Variants in CSMD1 observed in about 807,000 individuals in gnomAD.
The protein encoded by CSMD1 is CUB and sushi domain-containing protein 1.
A neutral mutation model predicts 417.5 loss-of-function variants in CSMD1; 213 were observed. The ratio of observed to expected loss-of-function variants is 0.51; its 90% CI spans 0.46 to 0.57. CSMD1 has a LOEUF of 0.57. CSMD1 is among the 20% of genes least tolerant of loss of function. The probability of loss-of-function intolerance (pLI) is 0.00; values close to 1 mark genes in which losing one functional copy is unlikely to be tolerated. For missense variants in CSMD1, 6,923 were observed against 4,529.7 expected (o/e 1.53, Z -15.17); for synonymous variants, 2,862 against 1,736.8 (o/e 1.65, Z -16.11).
intron 5 of CSMD1, among the ~76,000 whole-genome samples, chr8:3,816,652 AG>A (rs1328159715): frequency 6.6e-6 from 1 of 152,206 alleles, no homozygotes; most frequent in African/African-American, 2.4e-5. Flanking sequence ...TCTAACATAA[AG>A]GAAAAACAAA....
At chr8:3,214,775 T>C (rs1051614914) in intron 29 of CSMD1, 84 bp from the exon 30 acceptor site, 6 of 1,106,878 alleles carry the variant, frequency 5.4e-6, no homozygotes, top group Non-Finnish European at 7.7e-6. Flanking sequence ...GGTTCTTTAA[T>C]TGTGTTATTT....
chr8:3,982,498 T>C (rs558524943), intron 5 of CSMD1, among the ~76,000 whole-genome samples: 122 of 151,872 alleles, frequency 8.0e-4, no homozygotes, highest in African/African-American at 2.7e-3. Flanking sequence ...ACCAGAAAAA[T>C]AACGCATCAT....
Position 3,142,528 on chromosome 8 carries a change from T to G in CSMD1, c.6178A>C (p.Thr2060Pro), listed in dbSNP as rs771226247. ...TGGTCACTATAAAAGTGGATGAGGG[T>G]TTCATGCGTTGTGCTCAGCAGGGCC... Reference protein sequence around the residue: ...PAALLSTTHETLIHFYSDHSQ... With the variant: ...PAALLSTTHEPLIHFYSDHSQ... The change falls in exon 41 of 70, where the codon ACC becomes CCC. Residue 2060 changes from threonine to proline, a missense_variant. Transcript: ENST00000635120. 6.2e-7 allele frequency: 1 copy of G among 1,613,920 alleles called. No homozygotes were observed. Among genetic ancestry groups the G allele is most frequent in the Non-Finnish European group, 8.5e-7 (1 of 1,179,888 alleles).
At chr8:3,066,571 T>G (rs1435831644) in intron 49 of CSMD1, among the ~76,000 whole-genome samples, 1 of 152,216 alleles carries the variant, frequency 6.6e-6, no homozygotes, top group Admixed American at 6.5e-5. Context: ...ATATTTTGTC[T>G]TAATTTCTGA....
intron 3 of CSMD1, among the ~76,000 whole-genome samples, chr8:4,242,649 A>C (rs941722623): frequency 6.6e-6 from 1 of 152,200 alleles, no homozygotes; most frequent in Non-Finnish European, 1.5e-5. Flanking sequence ...GTTTGGAAAT[A>C]GATTCCCTCC....
intron 2 of CSMD1, among the ~76,000 whole-genome samples, chr8:4,529,778 C>G (rs1796697770): frequency 6.6e-6 from 1 of 151,796 alleles, no homozygotes; most frequent in Admixed American, 6.6e-5. Flanking sequence ...AGTTTCAGAA[C>G]TGCTGCCGTA....
chr8:4,043,014 C>G (rs1446816199), intron 3 of CSMD1, among the ~76,000 whole-genome samples: 1 of 151,720 alleles, frequency 6.6e-6, no homozygotes, highest in African/African-American at 2.4e-5. Flanking sequence ...CACCTGTAGT[C>G]CCAGCTACTT....
chr8:4,610,986 T>A (rs546132848), intron 2 of CSMD1, among the ~76,000 whole-genome samples: 2 of 152,238 alleles, frequency 1.3e-5, no homozygotes, highest in Non-Finnish European at 2.9e-5. Flanking sequence ...CATCCTTTCC[T>A]TGGAAAATAG....
At chr8:4,943,256 G>T (rs1207385488) in intron 1 of CSMD1, among the ~76,000 whole-genome samples, 1 of 152,040 alleles carries the variant, frequency 6.6e-6, no homozygotes, top group African/African-American at 2.4e-5. Flanking sequence ...AGCACTTTGG[G>T]CGGCCCAGGC....
At chr8:3,476,033 C>A (rs1463895040) in intron 11 of CSMD1, among the ~76,000 whole-genome samples, 1 of 152,184 alleles carries the variant, frequency 6.6e-6, no homozygotes, top group Non-Finnish European at 1.5e-5. Context: ...TAGTTCTATT[C>A]TAATCTACGT....
chr8:3,284,078 G>C, intron 26 of CSMD1, 66 bp downstream of exon 26: 3 of 1,245,156 alleles, frequency 2.4e-6, no homozygotes, highest in Non-Finnish European at 3.5e-6. Flanking sequence ...TATAAATGGA[G>C]GGAGATCTGT....
chr8:3,353,098 T>A (rs141789582), intron 21 of CSMD1, among the ~76,000 whole-genome samples: 2 of 152,308 alleles, frequency 1.3e-5, no homozygotes, highest in African/African-American at 4.8e-5. Flanking sequence ...TAATACACAA[T>A]ATTGGTAATT....
At chr8:4,270,746 A>G (rs943378336) in intron 3 of CSMD1, among the ~76,000 whole-genome samples, 3 of 152,190 alleles carry the variant, frequency 2.0e-5, no homozygotes, top group Admixed American at 6.5e-5. Flanking sequence ...GTTTGAGGAC[A>G]GTGCTACTCA....
chr8:3,551,326 T>G (rs1006530366), intron 10 of CSMD1, among the ~76,000 whole-genome samples: 1 of 152,164 alleles, frequency 6.6e-6, no homozygotes, highest in Non-Finnish European at 1.5e-5. Context: ...TGTGAATGTT[T>G]TGAAAGCCAA....
At chr8:3,981,938 G>A (rs923247629) in intron 5 of CSMD1, among the ~76,000 whole-genome samples, 19 of 151,980 alleles carry the variant, frequency 1.3e-4, no homozygotes, top group African/African-American at 4.4e-4. Flanking sequence ...TTGGGAGGCC[G>A]AGGCAGGTGG....
At chr8:3,665,709 A>G (rs1348673953) in intron 7 of CSMD1, among the ~76,000 whole-genome samples, 2 of 152,220 alleles carry the variant, frequency 1.3e-5, no homozygotes, top group East Asian at 3.9e-4. Flanking sequence ...CCATCGCTAC[A>G]TATCTTATCT....
intron 7 of CSMD1, among the ~76,000 whole-genome samples, chr8:3,663,401 T>A (rs2624088): frequency 6.6e-6 from 1 of 152,080 alleles, no homozygotes; most frequent in East Asian, 1.9e-4. Flanking sequence ...CTGACTGCTT[T>A]TAAGACATGT....
At chr8:3,954,228 G>T (rs556272985) in intron 5 of CSMD1, among the ~76,000 whole-genome samples, 2 of 152,312 alleles carry the variant, frequency 1.3e-5, no homozygotes, top group South Asian at 4.1e-4. Context: ...AGAGACCCAG[G>T]CAAGTCCAGA....
In CSMD1 at chr8:3,732,827, A is replaced by G. The variant is rs1300801149; in HGVS notation, c.931+21103T>C. On this transcript the variant is annotated intron_variant, in intron 6 of 69. Coordinates refer to ENST00000635120, the MANE Select transcript of CSMD1 (RefSeq NM_033225.6). The stretch of plus-strand genomic sequence containing the variant: ...TCACCTGGCCTCATCTCAGGTATTT[A>G]TCGAGTGATTCAAGACTATTTTGAA... Among the ~76,000 whole-genome samples the G allele has an allele frequency of 3.3e-5, 5 of 152,220 alleles. No individual in the cohort carries two copies. In the East Asian group the frequency reaches 9.6e-4, roughly 29 times the overall value.
Sources: gnomAD v4.1 joint callset for allele counts (sites outside exome capture counted in the v4.1 genomes callset) on GRCh38, gnomAD v4.1.1 for gene constraint, MANE v1.5 for transcripts, NCBI Gene and HGNC (gene_info 2026-07-23, HGNC 2026-07-21) for gene names.